The following ROBO1 variants were observed in gnomAD, a reference collection of about 807,000 sequenced individuals.
ROBO1 encodes the protein roundabout guidance receptor 1, also known as roundabout homolog 1.
ROBO1 carries 149 observed loss-of-function variants against 195.9 expected under a neutral mutation model. The ratio of observed to expected loss-of-function variants is 0.76; its 90% CI spans 0.67 to 0.87. The LOEUF (loss-of-function observed/expected upper bound fraction) is 0.87. ROBO1 is among the 40% of genes least tolerant of loss of function. The pLI is 0.00. For synonymous variants in ROBO1, 816 were observed against 733.2 expected (o/e 1.11, Z -1.82); for missense variants, 1,933 against 2,068.3 (o/e 0.93, Z 1.27).
chr3:78,800,690 G>A (rs1488279831), intron 4 of ROBO1, among the ~76,000 whole-genome samples: 1 of 151,978 alleles, frequency 6.6e-6, no homozygotes, highest in African/African-American at 2.4e-5. Context: ...CCAAGTAGCT[G>A]GGACTACAGG....
At chr3:78,757,319 CAG>C (rs1174592093) in intron 4 of ROBO1, among the ~76,000 whole-genome samples, 7 of 152,160 alleles carry the variant, frequency 4.6e-5, no homozygotes, top group Non-Finnish European at 1.0e-4. Flanking sequence ...CAACCTGAAA[CAG>C]ATGTTTTCAA....
At chr3:78,783,540 A>C (rs530664718) in intron 4 of ROBO1, among the ~76,000 whole-genome samples, 1 of 152,302 alleles carries the variant, frequency 6.6e-6, no homozygotes, top group African/African-American at 2.4e-5. Flanking sequence ...AAGATTCTAA[A>C]ACGCTATTTT....
chr3:78,987,872 T>C (rs6548604), intron 3 of ROBO1, among the ~76,000 whole-genome samples: 150,323 of 152,240 alleles, frequency 0.99, 74,224 homozygotes, highest in East Asian at 1. Context: ...CTCACAAACC[T>C]CATAAATACA....
chr3:79,321,586 T>TGAAGTCTGAGGTTTCC (rs751953106), intron 2 of ROBO1, among the ~76,000 whole-genome samples: 1 of 152,182 alleles, frequency 6.6e-6, no homozygotes, highest in Non-Finnish European at 1.5e-5. Flanking sequence ...TGCAAGAGGA[T>TGAAGTCTGAGGTTTCC]GAAGTCTGAG....
chr3:79,039,133 T>C (rs1051826599), intron 3 of ROBO1, among the ~76,000 whole-genome samples: 2 of 152,234 alleles, frequency 1.3e-5, no homozygotes, highest in Non-Finnish European at 2.9e-5. Flanking sequence ...TCTGATGTTC[T>C]ATATCTTTCG....
chr3:79,021,851 G>A (rs987387933), intron 3 of ROBO1, among the ~76,000 whole-genome samples: 1 of 151,910 alleles, frequency 6.6e-6, no homozygotes, highest in Non-Finnish European at 1.5e-5. Context: ...TAGTAGAGAC[G>A]GGGTTTCACC....
intron 10 of ROBO1, among the ~76,000 whole-genome samples, chr3:78,671,103 G>A (rs1223798423): frequency 2.6e-5 from 4 of 152,024 alleles, no homozygotes; most frequent in Non-Finnish European, 4.4e-5. Context: ...AAATAACAAC[G>A]AGAGGCAATT....
chr3:78,909,262 ATTAAAT>A (rs2038105933), intron 4 of ROBO1, among the ~76,000 whole-genome samples: 1 of 151,876 alleles, frequency 6.6e-6, no homozygotes, highest in African/African-American at 2.4e-5. Flanking sequence ...AAAAATTCAC[ATTAAAT>A]TTAAAATTGT....
intron 1 of ROBO1, among the ~76,000 whole-genome samples, chr3:79,754,146 G>C (rs996829897): frequency 5.9e-5 from 9 of 152,166 alleles, no homozygotes; most frequent in Non-Finnish European, 1.2e-4. Context: ...TATTAAAGAG[G>C]TTGGAAATAC....
chr3:78,917,560 A>G (rs930086108), intron 4 of ROBO1, among the ~76,000 whole-genome samples: 2 of 152,166 alleles, frequency 1.3e-5, no homozygotes, highest in Non-Finnish European at 2.9e-5. Flanking sequence ...GCATCTAGAA[A>G]TAATTAATTT....
At chr3:79,292,425 T>C (rs1247798317) in intron 2 of ROBO1, among the ~76,000 whole-genome samples, 1 of 152,066 alleles carries the variant, frequency 6.6e-6, no homozygotes, top group Non-Finnish European at 1.5e-5. Context: ...TGAAGAAGAG[T>C]GGTGAGAGAG....
At chr3:79,757,837 G>A (rs1358630850) in intron 1 of ROBO1, among the ~76,000 whole-genome samples, 1 of 152,170 alleles carries the variant, frequency 6.6e-6, no homozygotes, top group African/African-American at 2.4e-5. Flanking sequence ...ATTTTTTATA[G>A]CCCAGTGTCT....
rs1348559731 is a variant in ROBO1, at chr3:78,938,674, T to C, written c.426A>G (p.Glu142=). 1.2e-6 allele frequency: 2 copies of C among 1,613,840 alleles called. No individual in the cohort carries two copies. Among genetic ancestry groups the C allele is most frequent in the Non-Finnish European group, 1.7e-6 (2 of 1,179,854 alleles). ...IVHGRKSRPD[E]GVYVCVARNY... ...TCCTTGCTACACAGACATAGACTCC[T>C]TCATCAGGTCTACTTTTCCGTCCAT... Residue 142 remains glutamate (E), a synonymous_variant, in exon 4 of 31, where the codon GAA becomes GAG. Transcript: ENST00000464233.
At chr3:79,038,787 ACATGAGGC>A (rs1417549280) in intron 3 of ROBO1, among the ~76,000 whole-genome samples, 7 of 152,118 alleles carry the variant, frequency 4.6e-5, no homozygotes, top group Admixed American at 4.6e-4. Flanking sequence ...TCTCAATATG[ACATGAGGC>A]CATGAGTCAA....
intron 14 of ROBO1, among the ~76,000 whole-genome samples, chr3:78,665,594 AC>A (rs1707685300): frequency 6.6e-6 from 1 of 152,146 alleles, no homozygotes; most frequent in South Asian, 2.1e-4. Flanking sequence ...AACTTCCTTT[AC>A]TTTTAGTCCT....
chr3:78,959,313 T>C (rs1045224945), intron 3 of ROBO1, among the ~76,000 whole-genome samples: 4 of 152,142 alleles, frequency 2.6e-5, no homozygotes, highest in African/African-American at 7.2e-5. Context: ...CACATTACTA[T>C]CATATTTGAT....
intron 3 of ROBO1, among the ~76,000 whole-genome samples, chr3:79,082,127 T>C (rs1240474794): frequency 6.6e-6 from 1 of 152,184 alleles, no homozygotes; most frequent in Non-Finnish European, 1.5e-5. Flanking sequence ...AATTATTACT[T>C]AACCATTTGG....
intron 4 of ROBO1, among the ~76,000 whole-genome samples, chr3:78,760,861 T>G (rs552909494): frequency 3.9e-5 from 6 of 152,090 alleles, no homozygotes; most frequent in African/African-American, 1.4e-4. Flanking sequence ...GGGTTAGTCT[T>G]GAACTCCTAG....
intron 4 of ROBO1, among the ~76,000 whole-genome samples, chr3:78,904,125 AACATATATAT>A (rs1432542832): frequency 2.6e-5 from 4 of 151,632 alleles, no homozygotes; most frequent in Non-Finnish European, 5.9e-5. Context: ...GTATATATAC[AACATATATAT>A]ACATATATAT....
Sources: gnomAD v4.1 joint callset for allele counts (sites outside exome capture counted in the v4.1 genomes callset) on GRCh38, gnomAD v4.1.1 for gene constraint, MANE v1.5 for transcripts, NCBI Gene and HGNC (gene_info 2026-07-23, HGNC 2026-07-21) for gene names.